Variants in KANSL1L observed in about 807,000 individuals in gnomAD.
The protein encoded by KANSL1L is KAT8 regulatory NSL complex subunit 1-like protein.
KANSL1L carries 25 observed loss-of-function variants against 108.6 expected under a neutral mutation model. That is an observed-to-expected ratio of 0.23 (90% CI 0.17 to 0.32). The LOEUF (loss-of-function observed/expected upper bound fraction) is 0.32. Among genes scored for constraint, KANSL1L ranks in the 10% least tolerant of loss-of-function variants. The pLI is 1.00. For synonymous variants in KANSL1L, 405 were observed against 395.1 expected, an observed-to-expected ratio of 1.03 and a Z score of -0.30; for missense variants, 1,137 against 1,125.7, an observed-to-expected ratio of 1.01 and a Z score of -0.14.
rs560218280 is a variant in KANSL1L, at chr2:210,099,138, G to A, written c.1429-931C>T. ...AGGTATATATTTCTCCTTCCACACT[G>A]AGTTTTCTGAGTATATGTAAGCATG... On this transcript the variant is annotated intron_variant, in intron 4 of 14. Transcript: ENST00000281772. Among the ~76,000 whole-genome samples the A allele has an allele frequency of 5.3e-5, 8 of 152,156 alleles. No homozygotes were observed. The East Asian group carries it at 1.5e-3, about 29-fold the overall frequency.
At chr2:210,053,990 T>A (rs751553611) in intron 6 of KANSL1L, among the ~76,000 whole-genome samples, 42 of 152,016 alleles carry the variant, frequency 2.8e-4, no homozygotes, top group African/African-American at 9.9e-4. Flanking sequence ...GCAAAGATGG[T>A]CCAGATCTAA....
At chr2:210,103,064 A>C (rs535652866) in intron 4 of KANSL1L, among the ~76,000 whole-genome samples, 363 of 152,282 alleles carry the variant, frequency 2.4e-3, no homozygotes, top group African/African-American at 8.2e-3. Context: ...CTTGGAACCA[A>C]CCCAAATGTC....
At chr2:210,127,903 G>C (rs186907859) in intron 3 of KANSL1L, among the ~76,000 whole-genome samples, 1 of 144,384 alleles carries the variant, frequency 6.9e-6, no homozygotes, top group African/African-American at 2.5e-5. Context: ...GAATTAAAAC[G>C]CAACAAGAAA....
intron 2 of KANSL1L, among the ~76,000 whole-genome samples, chr2:210,134,985 T>C (rs947714543): frequency 1.3e-5 from 2 of 152,132 alleles, no homozygotes; most frequent in East Asian, 1.9e-4. Flanking sequence ...TCAGGGACTA[T>C]GAAGGACAAA....
intron 10 of KANSL1L, 93 bp downstream of exon 10, chr2:210,029,710 G>A: frequency 3.3e-6 from 2 of 611,932 alleles, no homozygotes. Flanking sequence ...TGCTAGTAAG[G>A]CTGTTATAGA....
intron 5 of KANSL1L, chr2:210,079,727 G>A (rs1308612265): frequency 2.7e-4 from 19 of 69,096 alleles, no homozygotes; most frequent in Non-Finnish European, 1.4e-4. Flanking sequence ...TATATATATG[G>A]TTATCATTGT....
chr2:210,119,101 T>A (rs1369017447), intron 3 of KANSL1L, among the ~76,000 whole-genome samples: 2 of 151,930 alleles, frequency 1.3e-5, no homozygotes, highest in Non-Finnish European at 2.9e-5. Flanking sequence ...GGAGAATCTC[T>A]TGAACCTGGG....
rs1025476961 is a variant in KANSL1L, at chr2:210,067,129, G to A, written c.1755+8423C>T. Among the ~76,000 whole-genome samples the A allele has an allele frequency of 1.7e-4, 26 of 152,202 alleles. No homozygotes were observed. In the East Asian group the frequency reaches 3.3e-3, roughly 19 times the overall value. On this transcript the variant is annotated intron_variant, in intron 6 of 14. Coordinates refer to ENST00000281772, the MANE Select transcript of KANSL1L (RefSeq NM_152519.4). ...TGGATCTCTGGCCTTTAGACTCCAG[G>A]ACTTAATACCAGGCATCCTCCTCCC...
chr2:210,119,496 A>C (rs955418834), intron 3 of KANSL1L, among the ~76,000 whole-genome samples: 6 of 152,216 alleles, frequency 3.9e-5, no homozygotes, highest in Admixed American at 1.3e-4. Context: ...TGTCATAATC[A>C]AGTAGGATGC....
Position 210,028,862 on chromosome 2 carries a change from C to T in KANSL1L, c.2379G>A (p.Lys793=). 8 of 1,592,674 alleles carry T rather than the reference C, an allele frequency of 5.0e-6. No individual in the cohort carries two copies. Among genetic ancestry groups the T allele is most frequent in the Non-Finnish European group, 6.9e-6 (8 of 1,162,862 alleles). The part of the protein sequence containing the change: ...APAKLEKLQY[K]EILTPSWRMV... The stretch of plus-strand genomic sequence containing the variant: ...ATACATACCTTGGAGTAAGTATTTC[C>T]TTATATTGGAGTTTCTCTAATTTAG... Residue 793 remains lysine, a synonymous_variant, in exon 11 of 15, where the codon AAG becomes AAA. Transcript: ENST00000281772.
At chr2:210,120,104 T>C (rs1012091711) in intron 3 of KANSL1L, among the ~76,000 whole-genome samples, 1 of 152,108 alleles carries the variant, frequency 6.6e-6, no homozygotes, top group Non-Finnish European at 1.5e-5. Context: ...CAGTAAGTGG[T>C]GCTGGCCAGG....
chr2:210,111,214 A>T (rs2094901500), intron 3 of KANSL1L, among the ~76,000 whole-genome samples: 1 of 152,176 alleles, frequency 6.6e-6, no homozygotes, highest in Non-Finnish European at 1.5e-5. Flanking sequence ...CATTATTCAT[A>T]ATAGCCAAAA....
intron 5 of KANSL1L, among the ~76,000 whole-genome samples, chr2:210,083,476 A>G (rs1259588011): frequency 6.6e-6 from 1 of 152,132 alleles, no homozygotes; most frequent in South Asian, 2.1e-4. Context: ...TACTTTCCCT[A>G]CTACACAAAG....
chr2:210,113,394 C>G (rs967526895), intron 3 of KANSL1L, among the ~76,000 whole-genome samples: 2 of 151,968 alleles, frequency 1.3e-5, no homozygotes, highest in Non-Finnish European at 2.9e-5. Context: ...TCTTGCCACA[C>G]CGACAACCTA....
chr2:210,109,825 A>C (rs1385222554), intron 3 of KANSL1L, among the ~76,000 whole-genome samples: 1 of 151,990 alleles, frequency 6.6e-6, no homozygotes, highest in Non-Finnish European at 1.5e-5. Context: ...TGGTAATATA[A>C]ATATAAATAT....
intron 5 of KANSL1L, among the ~76,000 whole-genome samples, chr2:210,079,622 A>ATGTATGTG (rs1206962739): frequency 5.5e-3 from 10 of 1,812 alleles, no homozygotes; most frequent in Admixed American, 0.032. Context: ...GTATATATAT[A>ATGTATGTG]TATATATATA....
At chr2:210,130,768 C>G (rs915914516) in intron 2 of KANSL1L, among the ~76,000 whole-genome samples, 5 of 151,662 alleles carry the variant, frequency 3.3e-5, no homozygotes, top group African/African-American at 1.2e-4. Context: ...CATGCTAGCG[C>G]GTAGCATTTT....
At chr2:210,030,551 G>A (rs1009336615) in intron 9 of KANSL1L, among the ~76,000 whole-genome samples, 1 of 143,474 alleles carries the variant, frequency 7.0e-6, no homozygotes, top group African/African-American at 2.6e-5. Context: ...GTGTGTGTGT[G>A]TGTAGTAAAT....
intron 1 of KANSL1L, among the ~76,000 whole-genome samples, chr2:210,164,037 A>C (rs916586400): frequency 2.6e-5 from 4 of 152,170 alleles, no homozygotes; most frequent in African/African-American, 9.6e-5. Flanking sequence ...TAACTGTCCA[A>C]TAGAAATATG....
Sources: allele counts gnomAD v4.1 joint callset (sites outside exome capture counted in the v4.1 genomes callset), GRCh38; gene constraint gnomAD v4.1.1; transcripts MANE v1.5; gene names NCBI Gene and HGNC (gene_info 2026-07-23, HGNC 2026-07-21).